SPOCK1: variants seen among roughly 807,000 people sequenced by gnomAD.
SPOCK1 encodes the protein testican-1.
SPOCK1 carries 23 observed loss-of-function variants against 55.3 expected under a neutral mutation model. The ratio of observed to expected loss-of-function variants is 0.42; its 90% CI spans 0.30 to 0.59. The LOEUF is 0.59. Among genes scored for constraint, SPOCK1 ranks in the 20% least tolerant of loss-of-function variants. SPOCK1 has a pLI of 0.22. For missense variants in SPOCK1, 499 were observed against 552.5 expected (o/e 0.90, Z 0.97); for synonymous variants, 226 against 221.0 (o/e 1.02, Z -0.20).
intron 3 of SPOCK1, 93 bp downstream of exon 3, chr5:137,266,917 G>GC: frequency 9.4e-7 from 1 of 1,062,710 alleles, no homozygotes; most frequent in Admixed American, 2.0e-5. Context: ...CCGCTAGCTG[G>GC]CCCTTGTGGG....
intron 3 of SPOCK1, among the ~76,000 whole-genome samples, chr5:137,251,766 A>G (rs2916632): frequency 0.067 from 10,241 of 152,234 alleles, 1,056 homozygotes; most frequent in African/African-American, 0.23. Context: ...AAAAAATTAT[A>G]AAGCAAAAAG....
chr5:137,145,134 T>G (rs1384238323), intron 3 of SPOCK1, among the ~76,000 whole-genome samples: 1 of 152,174 alleles, frequency 6.6e-6, no homozygotes, highest in Admixed American at 6.5e-5. Context: ...ATCCAATTAT[T>G]TTTTTCAAAA....
At chr5:137,148,577 A>G (rs767015723) in intron 3 of SPOCK1, among the ~76,000 whole-genome samples, 2 of 152,196 alleles carry the variant, frequency 1.3e-5, no homozygotes, top group Non-Finnish European at 2.9e-5. Context: ...AAGTAGAAGG[A>G]AAGGGGGAAT....
intron 2 of SPOCK1, among the ~76,000 whole-genome samples, chr5:137,321,399 A>G (rs1463288334): frequency 1.3e-5 from 2 of 152,196 alleles, no homozygotes; most frequent in Admixed American, 6.5e-5. Context: ...ACATACCCAA[A>G]AAAGTCCACA....
At chr5:137,428,818 C>T (rs1280476196) in intron 2 of SPOCK1, among the ~76,000 whole-genome samples, 3 of 152,196 alleles carry the variant, frequency 2.0e-5, no homozygotes, top group East Asian at 1.9e-4. Flanking sequence ...AAATCCTATC[C>T]ATTCTGCCTC....
chr5:136,992,709 A>G, intron 6 of SPOCK1, 109 bp from the exon 7 acceptor site: 1 of 737,962 alleles, frequency 1.4e-6, no homozygotes, highest in Non-Finnish European at 2.2e-6. Flanking sequence ...TCCAACCACG[A>G]TATAACTGTT....
intron 3 of SPOCK1, among the ~76,000 whole-genome samples, chr5:137,243,945 C>T (rs960696981): frequency 2.6e-5 from 4 of 152,136 alleles, no homozygotes; most frequent in African/African-American, 9.7e-5. Flanking sequence ...GATTATTTAA[C>T]CAGATAAAAG....
intron 3 of SPOCK1, among the ~76,000 whole-genome samples, chr5:137,178,704 T>C (rs1022792386): frequency 6.6e-6 from 1 of 152,156 alleles, no homozygotes; most frequent in Non-Finnish European, 1.5e-5. Context: ...CACCCTCAAG[T>C]GAGAAGGGGG....
chr5:137,401,558 CAAAAAA>C (rs34044799), intron 2 of SPOCK1, among the ~76,000 whole-genome samples: 69 of 100,444 alleles, frequency 6.9e-4, no homozygotes, highest in East Asian at 1.5e-3. Flanking sequence ...CTCATCTCTA[CAAAAAA>C]AAAAAAAAAA....
At chr5:137,214,091 T>C (rs771462846) in intron 3 of SPOCK1, among the ~76,000 whole-genome samples, 20 of 152,162 alleles carry the variant, frequency 1.3e-4, no homozygotes, top group Non-Finnish European at 1.9e-4. Flanking sequence ...GTCGAACACA[T>C]AATAAGAGTG....
chr5:137,453,736 T>C (rs1380733310), intron 2 of SPOCK1, among the ~76,000 whole-genome samples: 1 of 152,198 alleles, frequency 6.6e-6, no homozygotes, highest in African/African-American at 2.4e-5. Flanking sequence ...TAGGTATCTA[T>C]GCCACAATAG....
intron 5 of SPOCK1, among the ~76,000 whole-genome samples, chr5:137,096,051 G>T (rs895018757): frequency 6.6e-6 from 1 of 152,142 alleles, no homozygotes; most frequent in Non-Finnish European, 1.5e-5. Flanking sequence ...TAGATTTTGG[G>T]AGACTGACAG....
chr5:137,425,111 G>C (rs1752580902), intron 2 of SPOCK1, among the ~76,000 whole-genome samples: 1 of 152,174 alleles, frequency 6.6e-6, no homozygotes, highest in Non-Finnish European at 1.5e-5. Flanking sequence ...ATTTCAGGCT[G>C]TCCCTTGTTT....
intron 3 of SPOCK1, among the ~76,000 whole-genome samples, chr5:137,208,961 A>C (rs960203615): frequency 7.2e-5 from 11 of 152,042 alleles, no homozygotes; most frequent in Non-Finnish European, 1.5e-4. Context: ...GTCTGACTGT[A>C]AAACCCAGTT....
intron 3 of SPOCK1, among the ~76,000 whole-genome samples, chr5:137,253,807 C>T (rs1756585653): frequency 6.6e-6 from 1 of 152,218 alleles, no homozygotes; most frequent in Non-Finnish European, 1.5e-5. Flanking sequence ...CCTCAACTCC[C>T]TGTGAGCAAC....
At chr5:137,228,011 C>A (rs899840307) in intron 3 of SPOCK1, among the ~76,000 whole-genome samples, 18 of 152,328 alleles carry the variant, frequency 1.2e-4, no homozygotes, top group Admixed American at 1.2e-3. Context: ...AAATATGCAA[C>A]AATGAGTAAA....
chr5:137,462,891 T>G lies in SPOCK1; in HGVS notation c.186+35482A>C, dbSNP rs371837540. Among the ~76,000 whole-genome samples, 46 of 152,238 alleles carry G rather than the reference T, an allele frequency of 3.0e-4. No individual in the cohort carries two copies. In the South Asian group the frequency reaches 6.7e-3, roughly 22 times the overall value. On this transcript the variant is annotated intron_variant, in intron 2 of 10. Coordinates refer to ENST00000394945, the MANE Select transcript of SPOCK1 (RefSeq NM_004598.4). ...TTCACTAGAAGGAACAGGGAGGGCT[T>G]CACTGAGAACAGCAAGTTCATTCTA...
intron 6 of SPOCK1, among the ~76,000 whole-genome samples, chr5:137,019,689 T>C (rs1751529950): frequency 6.6e-6 from 1 of 151,980 alleles, no homozygotes; most frequent in Non-Finnish European, 1.5e-5. Flanking sequence ...AAATAGATAT[T>C]TTGCAACAAA....
At chr5:137,352,568 C>A (rs954987913) in intron 2 of SPOCK1, among the ~76,000 whole-genome samples, 1 of 152,086 alleles carries the variant, frequency 6.6e-6, no homozygotes, top group Non-Finnish European at 1.5e-5. Context: ...TAGTAGAGTG[C>A]CTGGCACAGC....
Sources: gnomAD v4.1 joint callset for allele counts (sites outside exome capture counted in the v4.1 genomes callset) on GRCh38, gnomAD v4.1.1 for gene constraint, MANE v1.5 for transcripts, NCBI Gene and HGNC (gene_info 2026-07-23, HGNC 2026-07-21) for gene names.